The following SYN3 variants were observed in gnomAD, a reference collection of about 807,000 sequenced individuals.
SYN3 encodes the protein synapsin-3.
SYN3 carries 35 observed loss-of-function variants against 65.8 expected under a neutral mutation model. The observed-to-expected ratio is 0.53, with a 90% CI of 0.41 to 0.70. The LOEUF is 0.70. SYN3 is among the 30% of genes least tolerant of loss of function. The probability of loss-of-function intolerance (pLI) is 0.00; values close to 1 mark genes in which losing one functional copy is unlikely to be tolerated. For synonymous variants in SYN3, 270 were observed against 292.9 expected (o/e 0.92, Z 0.80); for missense variants, 680 against 749.0 (o/e 0.91, Z 1.08).
At chr22:32,740,001 G>A (rs530009992) in intron 6 of SYN3, among the ~76,000 whole-genome samples, 19 of 152,292 alleles carry the variant, frequency 1.2e-4, no homozygotes, top group Admixed American at 7.8e-4. Context: ...TAAATCCCTG[G>A]AATTGTCCAG....
At chr22:32,977,711 T>C (rs1039953444) in intron 3 of SYN3, among the ~76,000 whole-genome samples, 1 of 138,736 alleles carries the variant, frequency 7.2e-6, no homozygotes, top group African/African-American at 2.8e-5. Context: ...GCCACTGCAC[T>C]CCAGCCTGGC....
At chr22:33,050,479 CAAAAAAAAA>C (rs58653594) in intron 1 of SYN3, among the ~76,000 whole-genome samples, 2,204 of 108,548 alleles carry the variant, frequency 0.02, 67 homozygotes, top group African/African-American at 0.072. Context: ...GAGACTGTTT[CAAAAAAAAA>C]AAAAAAAAAA....
At chr22:32,884,897 TC>T (rs1289819591) in intron 4 of SYN3, among the ~76,000 whole-genome samples, 1 of 151,928 alleles carries the variant, frequency 6.6e-6, no homozygotes, top group Non-Finnish European at 1.5e-5. Context: ...GAAAAGAAAA[TC>T]ATTTCATATC....
chr22:32,784,963 T>C (rs1173824102), intron 6 of SYN3: 1 of 152,204 alleles, frequency 6.6e-6, no homozygotes, highest in Non-Finnish European at 1.5e-5. Context: ...AGGAGCCTTC[T>C]CTCCCCTTCC....
intron 3 of SYN3, among the ~76,000 whole-genome samples, chr22:32,964,350 C>T (rs1316060261): frequency 6.8e-6 from 1 of 146,896 alleles, no homozygotes; most frequent in East Asian, 2.0e-4. Context: ...AGCACACCAA[C>T]ATGGCACATG....
intron 1 of SYN3, among the ~76,000 whole-genome samples, chr22:33,026,729 G>A (rs2053646500): frequency 6.6e-6 from 1 of 152,150 alleles, no homozygotes; most frequent in Non-Finnish European, 1.5e-5. Context: ...AGCTATGGCT[G>A]CCATGCCCAT....
At chr22:32,632,374 T>C (rs1349086715) in intron 6 of SYN3, among the ~76,000 whole-genome samples, 1 of 152,202 alleles carries the variant, frequency 6.6e-6, no homozygotes, top group Admixed American at 6.5e-5. Flanking sequence ...TATTTACTTG[T>C]ATGGGATCTT....
chr22:32,635,716 T>C (rs1461839327), intron 6 of SYN3, among the ~76,000 whole-genome samples: 3 of 152,186 alleles, frequency 2.0e-5, no homozygotes, highest in Non-Finnish European at 4.4e-5. Flanking sequence ...AGTTTGACGG[T>C]TGCTCTCTGG....
chr22:32,531,127 C>A (rs1372357113), intron 10 of SYN3, among the ~76,000 whole-genome samples: 1 of 116,900 alleles, frequency 8.6e-6, no homozygotes, highest in Non-Finnish European at 1.6e-5. Flanking sequence ...TTTCCCCTGG[C>A]GACAGAATGA....
At chr22:32,682,061 G>A (rs1226772613) in intron 6 of SYN3, among the ~76,000 whole-genome samples, 2 of 152,180 alleles carry the variant, frequency 1.3e-5, no homozygotes, top group African/African-American at 4.8e-5. Context: ...GAGGGCACGG[G>A]AGATGAGGGG....
intron 12 of SYN3, among the ~76,000 whole-genome samples, chr22:32,527,295 T>A (rs1177750164): frequency 6.6e-6 from 1 of 152,226 alleles, no homozygotes; most frequent in Non-Finnish European, 1.5e-5. Flanking sequence ...TTCTGCCTCC[T>A]TGGGCAAAGC....
At chr22:33,030,605 A>G (rs534427656) in intron 1 of SYN3, among the ~76,000 whole-genome samples, 1 of 152,140 alleles carries the variant, frequency 6.6e-6, no homozygotes, top group African/African-American at 2.4e-5. Flanking sequence ...ACAGAGAGAG[A>G]TAGATAAAAA....
At chr22:32,596,271 G>T (rs955470760) in intron 7 of SYN3, among the ~76,000 whole-genome samples, 13 of 152,126 alleles carry the variant, frequency 8.5e-5, no homozygotes, top group Admixed American at 6.5e-4. Context: ...CCAGTTCCAG[G>T]TATTTCTTTA....
intron 4 of SYN3, among the ~76,000 whole-genome samples, chr22:32,916,788 G>T (rs538101855): frequency 6.6e-6 from 1 of 152,152 alleles, no homozygotes; most frequent in Admixed American, 6.5e-5. Context: ...TTCACATCAC[G>T]AAAGGTTTGA....
At chr22:32,903,505 G>C (rs1211141205) in intron 4 of SYN3, among the ~76,000 whole-genome samples, 1 of 152,158 alleles carries the variant, frequency 6.6e-6, no homozygotes, top group Non-Finnish European at 1.5e-5. Context: ...AGCAACACTA[G>C]AGCTTGTGGG....
In SYN3 at chr22:32,518,279, T is replaced by C. The variant is rs559918645; in HGVS notation, c.1374A>G (p.Gln458=). 24 of 1,611,490 alleles carry C rather than the reference T, an allele frequency of 1.5e-5. No individual in the cohort carries two copies. The South Asian group carries it at 2.4e-4, about 16-fold the overall frequency. ...PQPQRSGSPS[Q]QRLSPQGQQP... The stretch of plus-strand genomic sequence containing the variant: ...GCTGGCCTTGTGGGGAGAGCCTCTG[T>C]TGGGAGGGGCTTCCAGATCTCTGGG... Residue 458 remains glutamine (Q), a synonymous_variant, in exon 13 of 14, where the codon CAA becomes CAG. Coordinates refer to ENST00000358763, the MANE Select transcript of SYN3 (RefSeq NM_003490.4).
chr22:32,521,532 C>T lies in SYN3; in HGVS notation c.1319-3198G>A, dbSNP rs557918119. 2.0e-5 allele frequency among the ~76,000 whole-genome samples: 3 copies of T among 149,960 alleles called. No homozygotes were observed. The South Asian group carries it at 6.3e-4, about 32-fold the overall frequency. ...CGATCTCGGCTCACTGCAACCTCCTCTGTCTCCTGGGTTAAGAGATTCTCC... is the reference window on the plus strand; with the variant it reads ...CGATCTCGGCTCACTGCAACCTCCTTTGTCTCCTGGGTTAAGAGATTCTCC... On this transcript the variant is annotated intron_variant, in intron 12 of 13. Coordinates refer to ENST00000358763, the MANE Select transcript of SYN3 (RefSeq NM_003490.4).
At chr22:32,654,752 C>T (rs1465151007) in intron 6 of SYN3, among the ~76,000 whole-genome samples, 1 of 152,218 alleles carries the variant, frequency 6.6e-6, no homozygotes, top group Admixed American at 6.5e-5. Flanking sequence ...TCCCAGCATG[C>T]CTGCCTAGCC....
At chr22:32,842,061 C>G (rs12628202) in intron 6 of SYN3, among the ~76,000 whole-genome samples, 7 of 152,126 alleles carry the variant, frequency 4.6e-5, no homozygotes, top group Non-Finnish European at 8.8e-5. Context: ...GGGAGGCTGC[C>G]TAGGTTATTG....
Sources: gnomAD v4.1 joint callset for allele counts (sites outside exome capture counted in the v4.1 genomes callset) on GRCh38, gnomAD v4.1.1 for gene constraint, MANE v1.5 for transcripts, NCBI Gene and HGNC (gene_info 2026-07-23, HGNC 2026-07-21) for gene names.